WIPF1: variants seen among roughly 807,000 people sequenced by gnomAD.
The protein encoded by WIPF1 is WAS/WASL-interacting protein family member 1.
In WIPF1, 13 loss-of-function variants were observed where a neutral mutation model predicts 35.4. That is an observed-to-expected ratio of 0.37 (90% CI 0.24 to 0.58). The LOEUF (loss-of-function observed/expected upper bound fraction) is 0.58, where lower values mean the gene tolerates loss of function less well. Ranked by LOEUF, WIPF1 falls within the 20% of genes least tolerant of loss-of-function variation. The pLI is 0.74. For synonymous variants in WIPF1, 267 were observed against 266.3 expected (o/e 1.00, Z -0.02); for missense variants, 591 against 667.0 (o/e 0.89, Z 1.25).
Position 174,571,609 on chromosome 2 carries a change from G to T in WIPF1, c.1129+67C>A. The T allele has an allele frequency of 6.2e-7, 1 of 1,603,380 alleles. No individual in the cohort carries two copies. The highest frequency in any genetic ancestry group is 8.5e-7 in the Non-Finnish European group (1 of 1,170,534). ...CTGCTTTTGTTAGACTATCTTGACT[G>T]ACAGGATTATTGGTACATTTGGGCA... On this transcript the variant is annotated intron_variant, in intron 5 of 7. Coordinates refer to ENST00000679041, the MANE Select transcript of WIPF1 (RefSeq NM_001375834.1). The surrounding 1 kb of genome is among the most constrained non-coding windows in gnomAD (Gnocchi z 4.6).
intron 1 of WIPF1, among the ~76,000 whole-genome samples, chr2:174,609,754 G>A (rs1375945300): frequency 6.6e-6 from 1 of 152,190 alleles, no homozygotes; most frequent in East Asian, 1.9e-4. Flanking sequence ...GGGGCTGGGA[G>A]CCACTGCTTC....
At position 174,605,436 on chromosome 2, in the gene WIPF1, T is replaced by TCAAA. The variant is rs540966942; in HGVS notation, c.-38-19829_-38-19826dup. Among the ~76,000 whole-genome samples the TCAAA allele has an allele frequency of 2.5e-3, 379 of 152,242 alleles. 1 individual carries two copies. Among genetic ancestry groups the TCAAA allele is most frequent in the African/African-American group, 8.6e-3 (356 of 41,540 alleles). On this transcript the variant is annotated intron_variant, in intron 1 of 8. Coordinates refer to the WIPF1 transcript ENST00000272746. Reference sequence around the variant, plus strand: ...CTGGGCGACAGAGCAAGACTCTGTGTCAAACAAACAAACAAACAAAAGGCA... The same window carrying TCAAA: ...CTGGGCGACAGAGCAAGACTCTGTGTCAAACAAACAAACAAACAAACAAAAGGCA...
In WIPF1 at chr2:174,676,315, C is replaced by CCTT. The variant is rs1271286324; in HGVS notation, c.-39+6458_-39+6459insAAG. ...CCCTTCCTTCCTTCCTCCCTCCCTT[C>CCTT]TTTTTTTTTTTTTTTTTTTTTTTTG... On this transcript the variant is annotated intron_variant, in intron 1 of 8. Transcript: ENST00000272746. 1.7e-3 allele frequency: 93 copies of CCTT among 55,096 alleles called. 2 individuals carry two copies. Among genetic ancestry groups the CCTT allele is most frequent in the African/African-American group, 5.9e-3 (77 of 13,108 alleles). 3.4% of individuals were successfully genotyped at this position (55,096 alleles called of 1,614,324 possible).
rs1686164051 is a variant in WIPF1 at position 174,606,347 on chromosome 2, C to T, written c.-38-20736G>A. ...ATCCCCCCAAATAGTATCATTATAA[C>T]ATGTACTAAACATTTGAAAAGAACT... On this transcript the variant is annotated intron_variant, in intron 1 of 8. Transcript: ENST00000272746. 3.3e-5 allele frequency among the ~76,000 whole-genome samples: 5 copies of T among 152,258 alleles called. No homozygotes were observed. In the South Asian group the frequency reaches 1.0e-3, roughly 32 times the overall value.
chr2:174,635,525 GTTTGTTTTT>G (rs905220143), intron 1 of WIPF1, among the ~76,000 whole-genome samples: 2 of 126,180 alleles, frequency 1.6e-5, no homozygotes, highest in African/African-American at 6.3e-5. Flanking sequence ...GGTGCCTTCT[GTTTGTTTTT>G]TTTTTTTTTT....
At chr2:174,585,244 G>T (rs888202079) in intron 2 of WIPF1, among the ~76,000 whole-genome samples, 2 of 152,176 alleles carry the variant, frequency 1.3e-5, no homozygotes, top group African/African-American at 4.8e-5. Flanking sequence ...CCTATCTTGG[G>T]CCAGCACATG....
At chr2:174,566,761 C>T (rs1053554093) in intron 7 of WIPF1, 41 of 257,258 alleles carry the variant, frequency 1.6e-4, no homozygotes, top group African/African-American at 8.2e-4. Flanking sequence ...GAAGATGGCT[C>T]TACTTGTGCT....
chr2:174,578,200 T>C (rs1445312957), intron 3 of WIPF1, among the ~76,000 whole-genome samples: 1 of 152,182 alleles, frequency 6.6e-6, no homozygotes, highest in Non-Finnish European at 1.5e-5. Context: ...AAAAATGTCT[T>C]CAGACATTGC....
chr2:174,576,243 A>AAAAAAC lies in WIPF1; in HGVS notation c.182-864_182-863insGTTTTT, dbSNP rs1553526982. On this transcript the variant is annotated intron_variant, in intron 3 of 7. Transcript: ENST00000679041. The stretch of plus-strand genomic sequence containing the variant: ...ACTGCACTCCAGCAAAAAAAAAAAA[A>AAAAAAC]AAAAAACACTAAGCAAATATCCACA... Among the ~76,000 whole-genome samples, 233 of 150,464 alleles carry AAAAAAC rather than the reference A, an allele frequency of 1.5e-3. 8 individuals are homozygous for AAAAAAC. The highest frequency in any genetic ancestry group is 5.6e-3 in the African/African-American group (226 of 40,026).
chr2:174,572,711 C>T (rs980382811), intron 4 of WIPF1, among the ~76,000 whole-genome samples: 1 of 152,114 alleles, frequency 6.6e-6, no homozygotes, highest in African/African-American at 2.4e-5. Context: ...TATGTATAGG[C>T]AAGAGCCAGG....
At chr2:174,574,581 T>A (rs377605407) in intron 4 of WIPF1, 1 of 323,400 alleles carries the variant, frequency 3.1e-6, no homozygotes, top group Non-Finnish European at 5.6e-6. Context: ...GAGAGCCTCA[T>A]GCCCTCTGCA....
At chr2:174,624,058 G>A (rs1047402455) in intron 1 of WIPF1, among the ~76,000 whole-genome samples, 4 of 152,170 alleles carry the variant, frequency 2.6e-5, no homozygotes, top group African/African-American at 9.7e-5. Context: ...TACTGCTAGT[G>A]CAGCTCAGAA....
intron 1 of WIPF1, among the ~76,000 whole-genome samples, chr2:174,618,919 C>T (rs1222243764): frequency 6.6e-6 from 1 of 152,080 alleles, no homozygotes; most frequent in Non-Finnish European, 1.5e-5. Flanking sequence ...TCCTTGGCTC[C>T]ACTCATTATG....
intron 1 of WIPF1, among the ~76,000 whole-genome samples, chr2:174,616,265 C>T (rs1249368291): frequency 3.9e-5 from 6 of 152,084 alleles, no homozygotes; most frequent in Admixed American, 1.3e-4. Flanking sequence ...GATTTTGATC[C>T]GTGCCAAAAG....
At chr2:174,672,454 T>C (rs1342875227) in intron 1 of WIPF1, among the ~76,000 whole-genome samples, 1 of 152,222 alleles carries the variant, frequency 6.6e-6, no homozygotes, top group African/African-American at 2.4e-5. Context: ...TACAATGAGA[T>C]TCAAGTATAA....
At position 174,638,483 on chromosome 2, in the gene WIPF1, A is replaced by G. The variant is rs1464356659; in HGVS notation, c.-39+44291T>C. On this transcript the variant is annotated intron_variant, in intron 1 of 8. Transcript: ENST00000272746. Reference sequence around the variant, plus strand: ...TTAACCATAGCCTCCCTACTGTGCAAGAGTGCACCAGAATTCACTCCTCCT... The same window carrying G: ...TTAACCATAGCCTCCCTACTGTGCAGGAGTGCACCAGAATTCACTCCTCCT... 3.3e-5 allele frequency among the ~76,000 whole-genome samples: 5 copies of G among 152,274 alleles called. No individual in the cohort carries two copies. In the East Asian group the frequency reaches 9.7e-4, roughly 29 times the overall value.
intron 7 of WIPF1, 196 bp downstream of exon 7, chr2:174,566,874 A>G (rs908216671): frequency 1.9e-6 from 1 of 537,930 alleles, no homozygotes; most frequent in South Asian, 2.9e-5. Flanking sequence ...ACACATTAAA[A>G]TAACTGTTTC....
chr2:174,613,310 T>C (rs1374692176), intron 1 of WIPF1, among the ~76,000 whole-genome samples: 1 of 152,258 alleles, frequency 6.6e-6, no homozygotes, highest in Non-Finnish European at 1.5e-5. Flanking sequence ...TTAGCCATTA[T>C]GCAAATATTT....
At chr2:174,647,528 T>C (rs1479435611) in intron 1 of WIPF1, among the ~76,000 whole-genome samples, 1 of 151,926 alleles carries the variant, frequency 6.6e-6, no homozygotes, top group Non-Finnish European at 1.5e-5. Flanking sequence ...CGCGTGCCAC[T>C]ATGCCTGGCT....
Sources: gnomAD v4.1 joint callset for allele counts (sites outside exome capture counted in the v4.1 genomes callset) on GRCh38, gnomAD v4.1.1 for gene constraint, Gnocchi (gnomAD v3.1) non-coding constraint, MANE v1.5 for transcripts, NCBI Gene and HGNC (gene_info 2026-07-23, HGNC 2026-07-21) for gene names.